The following TNPO1 variants were observed in gnomAD, a reference collection of about 807,000 sequenced individuals.
The protein encoded by TNPO1 is transportin-1.
A neutral mutation model predicts 119.5 loss-of-function variants in TNPO1; 8 were observed. That is an observed-to-expected ratio of 0.07 (90% CI 0.04 to 0.12). TNPO1 has a LOEUF of 0.12. Ranked by LOEUF, TNPO1 falls within the 10% of genes least tolerant of loss-of-function variation. The pLI, the probability that TNPO1 is intolerant of heterozygous loss-of-function variation, is 1.00. For missense variants in TNPO1, 576 were observed against 1,089.8 expected (o/e 0.53, Z 6.64); for synonymous variants, 362 against 363.0 (o/e 1.00, Z 0.03).
At chr5:72,905,190 A>G in intron 23 of TNPO1, 113 bp from the exon 24 acceptor site, 3 of 793,214 alleles carry the variant, frequency 3.8e-6, no homozygotes, top group Non-Finnish European at 6.1e-6. Flanking sequence ...GAGAATTGCT[A>G]CTTTAAAATG....
chr5:72,891,576 C>G (rs1019127150), intron 14 of TNPO1, among the ~76,000 whole-genome samples: 55 of 152,040 alleles, frequency 3.6e-4, no homozygotes, highest in African/African-American at 1.3e-3. Flanking sequence ...GATAAAAGAT[C>G]AGTAGATCAC....
intron 15 of TNPO1, among the ~76,000 whole-genome samples, chr5:72,892,915 G>C (rs1001012373): frequency 6.8e-6 from 1 of 147,762 alleles, no homozygotes; most frequent in Non-Finnish European, 1.5e-5. Context: ...GTTTCTTGTA[G>C]AAACGCTTCC....
intron 4 of TNPO1, among the ~76,000 whole-genome samples, chr5:72,860,809 G>A (rs1424518586): frequency 6.6e-6 from 1 of 152,112 alleles, no homozygotes; most frequent in African/African-American, 2.4e-5. Context: ...TTCTTAATGT[G>A]TCTTTTATTT....
intron 19 of TNPO1, 62 bp downstream of exon 19, chr5:72,896,618 C>G: frequency 7.3e-7 from 1 of 1,362,456 alleles, no homozygotes; most frequent in South Asian, 1.2e-5. Context: ...GCCTGTAATC[C>G]CAGCACTTCG....
chr5:72,858,937 C>T (rs1580407306), intron 4 of TNPO1, among the ~76,000 whole-genome samples: 2 of 147,486 alleles, frequency 1.4e-5, no homozygotes, highest in East Asian at 2.0e-4. Flanking sequence ...TGGTGCTTTC[C>T]AACAAATCTG....
At chr5:72,884,280 G>A (rs536694269) in intron 11 of TNPO1, among the ~76,000 whole-genome samples, 31 of 152,178 alleles carry the variant, frequency 2.0e-4, no homozygotes, top group Non-Finnish European at 4.0e-4. Flanking sequence ...GTGGTATTTT[G>A]TGGTTTTGGT....
intron 23 of TNPO1, among the ~76,000 whole-genome samples, chr5:72,904,838 T>G (rs916677456): frequency 1.3e-5 from 2 of 152,152 alleles, no homozygotes; most frequent in African/African-American, 4.8e-5. Flanking sequence ...CTGGGTAATT[T>G]ACAAAAGAAA....
intron 3 of TNPO1, among the ~76,000 whole-genome samples, chr5:72,854,606 T>C (rs548421739): frequency 6.6e-6 from 1 of 152,308 alleles, no homozygotes; most frequent in African/African-American, 2.4e-5. Flanking sequence ...GAATAATACC[T>C]GCCTCATGAA....
At chr5:72,827,917 CA>C (rs111327220) in intron 1 of TNPO1, among the ~76,000 whole-genome samples, 11,746 of 79,222 alleles carry the variant, frequency 0.15, 475 homozygotes, top group Non-Finnish European at 0.2. Context: ...GAGATCCTGC[CA>C]AAAAAAAAAA....
At chr5:72,848,666 G>C (rs544393911) in intron 2 of TNPO1, among the ~76,000 whole-genome samples, 168 bp downstream of exon 2, 1,543 of 148,738 alleles carry the variant, frequency 0.01, 11 homozygotes, top group South Asian at 0.019. Context: ...TGCCCCTGCC[G>C]GGCGACTCGC....
intron 6 of TNPO1, among the ~76,000 whole-genome samples, chr5:72,867,598 CAT>C (rs1747015223): frequency 6.6e-6 from 1 of 152,162 alleles, no homozygotes; most frequent in African/African-American, 2.4e-5. Context: ...TTTTTAATAA[CAT>C]AAGCAATCAG....
intron 12 of TNPO1, 131 bp from the exon 13 acceptor site, chr5:72,887,947 A>T: frequency 1.2e-6 from 1 of 805,418 alleles, no homozygotes; most frequent in East Asian, 2.7e-5. Flanking sequence ...ATTTTGGTAT[A>T]GGTTATTGTA....
chr5:72,827,768 A>T (rs972698542), intron 1 of TNPO1, among the ~76,000 whole-genome samples: 28 of 151,860 alleles, frequency 1.8e-4, no homozygotes, highest in African/African-American at 4.1e-4. Flanking sequence ...TTTTTTTTTT[A>T]AATTAGCTGG....
At chr5:72,906,724 G>A (rs1234493025) in intron 24 of TNPO1, among the ~76,000 whole-genome samples, 2 of 152,122 alleles carry the variant, frequency 1.3e-5, no homozygotes, top group Non-Finnish European at 2.9e-5. Context: ...CTGAGCTTCG[G>A]TTTTGTCATT....
intron 9 of TNPO1, among the ~76,000 whole-genome samples, chr5:72,877,939 A>C (rs779647246): frequency 9.9e-5 from 15 of 152,176 alleles, no homozygotes; most frequent in Non-Finnish European, 2.2e-4. Flanking sequence ...ATTTGATTTA[A>C]TAATATATAA....
At position 72,877,188 on chromosome 5, in the gene TNPO1, A is replaced by AT. The variant is rs748179962; in HGVS notation, c.802-35dup. The stretch of plus-strand genomic sequence containing the variant: ...GGACTGAATTGATACTAATGGTGTG[A>AT]TTTTTAAACTGACTAATATTAAGGA... On this transcript the variant is annotated intron_variant, in intron 8 of 24. Coordinates refer to ENST00000337273, the MANE Select transcript of TNPO1 (RefSeq NM_002270.4). 9.6e-5 allele frequency: 115 copies of AT among 1,202,572 alleles called. No individual in the cohort carries two copies. In the East Asian group the frequency reaches 1.2e-3, roughly 12 times the overall value. The allele number at this position is 1,202,572 out of a possible 1,614,324, so 74.5% of individuals were successfully genotyped here.
chr5:72,820,032 T>C (rs1237812565), intron 1 of TNPO1, among the ~76,000 whole-genome samples: 1 of 152,178 alleles, frequency 6.6e-6, no homozygotes, highest in Non-Finnish European at 1.5e-5. Flanking sequence ...TGTAAGCCCT[T>C]TTGCGCATTT....
At position 72,890,327 on chromosome 5, in the gene TNPO1, T is replaced by C. The variant is rs572473389; in HGVS notation, c.1701+370T>C. ...CTTTAGAGTACCATATCTAGACATC[T>C]TTGTTTTTTCAGCAGGTACGGGGAG... On this transcript the variant is annotated intron_variant, in intron 14 of 24. Transcript: ENST00000337273. Among the ~76,000 whole-genome samples, 7 of 152,342 alleles carry C rather than the reference T, an allele frequency of 4.6e-5. No homozygotes were observed. The South Asian group carries it at 1.4e-3, about 32-fold the overall frequency.
chr5:72,848,576 C>T, intron 2 of TNPO1, 78 bp downstream of exon 2: 1 of 780,976 alleles, frequency 1.3e-6, no homozygotes, highest in East Asian at 3.7e-5. Context: ...CCGGGGGCTC[C>T]CGTCGCCTCC....
Sources: gnomAD v4.1 joint callset for allele counts (sites outside exome capture counted in the v4.1 genomes callset) on GRCh38, gnomAD v4.1.1 for gene constraint, MANE v1.5 for transcripts, NCBI Gene and HGNC (gene_info 2026-07-23, HGNC 2026-07-21) for gene names.